The following COX17 variants were observed in gnomAD, a reference collection of about 807,000 sequenced individuals.
COX17 encodes cytochrome c oxidase copper chaperone.
In COX17, 1 loss-of-function variant was observed where a neutral mutation model predicts 6.3. That is an observed-to-expected ratio of 0.16 (90% confidence interval 0.06 to 0.75). COX17 has a LOEUF of 0.75. Among genes scored for constraint, COX17 ranks in the 30% least tolerant of loss-of-function variants. The probability of loss-of-function intolerance (pLI) is 0.77; values close to 1 mark genes in which losing one functional copy is unlikely to be tolerated. For missense variants in COX17, 73 were observed against 81.2 expected (o/e 0.90, Z 0.39); for synonymous variants, 26 against 30.5 (o/e 0.85, Z 0.49).
At chr3:119,667,804 C>T (rs1265936206), downstream of COX17, among the ~76,000 whole-genome samples, 2 of 151,670 alleles carry the variant, frequency 1.3e-5, no homozygotes, top group African/African-American at 2.4e-5. Flanking sequence ...CAGATTTCTT[C>T]CTTATTATGT....
chr3:119,669,767 T>C (rs527959025), intron 2 of COX17, 102 bp from the exon 3 acceptor site: 1 of 152,280 alleles, frequency 6.6e-6, no homozygotes, highest in African/African-American at 2.4e-5. Flanking sequence ...CTCAGATGAG[T>C]AATTAACTAA....
intron 1 of COX17, 173 bp downstream of exon 1, chr3:119,677,031 G>GA: frequency 1.8e-6 from 1 of 563,446 alleles, no homozygotes; most frequent in African/African-American, 2.1e-5. Flanking sequence ...GGCGGGGGGG[G>GA]GGGGCAGACA....
intron 2 of COX17, chr3:119,674,908 T>G (rs1352020563): frequency 4.5e-6 from 2 of 447,188 alleles, no homozygotes; most frequent in Non-Finnish European, 8.0e-6. Flanking sequence ...CCATGGGACC[T>G]AAAGGCTTTT....
chr3:119,676,511 G>A (rs1033956677), intron 1 of COX17, among the ~76,000 whole-genome samples: 2 of 152,210 alleles, frequency 1.3e-5, no homozygotes, highest in Admixed American at 6.5e-5. Context: ...ATCTTTTGTG[G>A]ATTGACAATC....
downstream of COX17, among the ~76,000 whole-genome samples, chr3:119,668,156 TG>T (rs2053011197): frequency 6.6e-6 from 1 of 152,298 alleles, no homozygotes; most frequent in East Asian, 1.9e-4. Flanking sequence ...AATTTTATTT[TG>T]TTTTAAAAAA....
At chr3:119,668,362 C>A (rs116400035), downstream of COX17, among the ~76,000 whole-genome samples, 224 of 152,206 alleles carry the variant, frequency 1.5e-3, 1 homozygote, top group African/African-American at 5.1e-3. Context: ...AGATTCTATT[C>A]TTCACCTAGA....
downstream of COX17, among the ~76,000 whole-genome samples, chr3:119,666,292 C>T (rs540587053): frequency 2.6e-5 from 4 of 152,266 alleles, no homozygotes; most frequent in South Asian, 6.2e-4. Context: ...CTCTCTCTTC[C>T]GCTGGACTTT....
At chr3:119,664,658 T>C (rs1375133738), downstream of COX17, among the ~76,000 whole-genome samples, 1 of 152,228 alleles carries the variant, frequency 6.6e-6, no homozygotes, top group Non-Finnish European at 1.5e-5. Context: ...TCAAACTGTT[T>C]GTTACTTGTC....
intron 2 of COX17, among the ~76,000 whole-genome samples, chr3:119,670,295 G>A (rs1577178902): frequency 6.6e-6 from 1 of 152,186 alleles, no homozygotes; most frequent in East Asian, 1.9e-4. Flanking sequence ...ACAATGCTAG[G>A]AAGGTAATTA....
chr3:119,666,625 G>A (rs1229372456), downstream of COX17, among the ~76,000 whole-genome samples: 2 of 152,090 alleles, frequency 1.3e-5, no homozygotes, highest in East Asian at 1.9e-4. Context: ...ATATTTCTAC[G>A]GTTTATATAC....
intron 2 of COX17, among the ~76,000 whole-genome samples, chr3:119,672,165 T>C (rs549012523): frequency 6.6e-6 from 1 of 152,364 alleles, no homozygotes; most frequent in African/African-American, 2.4e-5. Flanking sequence ...AGTTTGGGCA[T>C]GTATTATTGT....
intron 1 of COX17, chr3:119,675,525 A>T (rs2053091000): frequency 3.8e-6 from 1 of 265,518 alleles, no homozygotes; most frequent in Non-Finnish European, 7.2e-6. Context: ...TCTATAAAGA[A>T]ATAAACTGAG....
chr3:119,674,891 C>T (rs2053083906), intron 2 of COX17: 1 of 383,626 alleles, frequency 2.6e-6, no homozygotes, highest in Non-Finnish European at 4.7e-6. Context: ...AGTCAATTTT[C>T]CTAAAGCCAT....
At chr3:119,667,726 CACAG>C (rs55730817), downstream of COX17, among the ~76,000 whole-genome samples, 25,370 of 107,346 alleles carry the variant, frequency 0.24, 2,700 homozygotes, top group Middle Eastern at 0.35. Context: ...CACACACACA[CACAG>C]AGAGAGAGAG....
rs1448095113 is a variant in COX17, at chr3:119,677,221, C to G, written c.90G>C (p.Lys30Asn). 6.2e-7 allele frequency: 1 copy of G among 1,611,398 alleles called. No homozygotes were observed. Among genetic ancestry groups the G allele is most frequent in the Non-Finnish European group, 8.5e-7 (1 of 1,179,780 alleles). ...GCACTGACCACGCATCGCGCGCCTT[C>G]TTGGTCTCCGGGCAAGCGCAGCAGG... is the stretch of plus-strand genomic sequence containing the variant. ...LKPCCACPET[K>N]KARDACIIEK... is the part of the protein sequence containing the mutation. Residue 30 changes from lysine (K) to asparagine (N), a missense_variant, in exon 1 of 3, where the codon AAG (lysine) becomes AAC (asparagine). By Grantham distance (94) the Lys-to-Asn change is moderately conservative. Coordinates refer to ENST00000261070, the MANE Select transcript of COX17 (RefSeq NM_005694.2).
At chr3:119,675,293 T>C (rs2053088518) in intron 1 of COX17, 60 bp from the exon 2 acceptor site, 9 of 1,199,198 alleles carry the variant, frequency 7.5e-6, no homozygotes, top group Admixed American at 6.8e-5. Flanking sequence ...TAAGTATGCA[T>C]GATAGTGATG....
chr3:119,677,284 A>G lies in COX17; in HGVS notation c.27T>C (p.Pro9=), dbSNP rs545372777. 1.2e-6 allele frequency: 2 copies of G among 1,611,882 alleles called. No homozygotes were observed. The highest frequency in any genetic ancestry group is 1.3e-5 in the African/African-American group (1 of 74,968). The change falls in exon 1 of 3, where the codon CCT becomes CCC. Residue 9 remains proline (P), a synonymous_variant. Transcript: ENST00000261070. Reference sequence around the variant, plus strand: ...TCTTCTCCTGAGACTCAGGCGGGGCAGGGTTTGAGTCAACCAGACCCGGCA... The same window carrying G: ...TCTTCTCCTGAGACTCAGGCGGGGCGGGGTTTGAGTCAACCAGACCCGGCA... The part of the protein sequence containing the change: MPGLVDSN[P]APPESQEKKP...
At position 119,677,379 on chromosome 3, in the gene COX17, G is replaced by C. The variant is rs1174663149; in HGVS notation, c.-69C>G. On this transcript the variant is annotated 5_prime_UTR_variant, in exon 1 of 3. Transcript: ENST00000261070. ...TGCCAGCCTCGGCAAACGCCGATTC[G>C]TCCGCAGTCACTTCCGGCAGTCGCT... The C allele has an allele frequency of 1.6e-6, 2 of 1,238,364 alleles. No homozygotes were observed. Among genetic ancestry groups the C allele is most frequent in the Non-Finnish European group, 2.3e-6 (2 of 855,682 alleles). 76.7% of individuals were successfully genotyped at this position (1,238,364 alleles called of 1,614,324 possible). A position where few individuals can be genotyped will look rare whatever the true frequency, so the allele number is the denominator to read the frequency against.
chr3:119,676,625 A>G (rs1486385783), intron 1 of COX17: 1 of 493,530 alleles, frequency 2.0e-6, no homozygotes, highest in Non-Finnish European at 3.7e-6. Context: ...CAGAACTGTA[A>G]GGAATACACT....
Sources: gnomAD v4.1 joint callset for allele counts (sites outside exome capture counted in the v4.1 genomes callset) on GRCh38, gnomAD v4.1.1 for gene constraint, MANE v1.5 for transcripts, NCBI Gene and HGNC (gene_info 2026-07-23, HGNC 2026-07-21) for gene names.